Variants in GNAS-AS1 observed in about 807,000 individuals in gnomAD.
GNAS-AS1 encodes GNAS antisense RNA 1 (non-protein coding).
In GNAS-AS1 at chr20:58,841,250, T is replaced by A. The variant is rs2085710281; in HGVS notation, n.819+687A>T. 1 of 960,074 alleles carries A rather than the reference T, an allele frequency of 1.0e-6. No individual in the cohort carries two copies. Among genetic ancestry groups the A allele is most frequent in the Admixed American group, 4.8e-5 (1 of 20,838 alleles). 59.5% of individuals were successfully genotyped at this position (960,074 alleles called of 1,614,324 possible). ...AGTCACTTGTTTTGCGCGCTTTTCT[T>A]CCTCCTAGAAAGACTAGTCTCAAAT... On this transcript the variant is annotated intron_variant and non_coding_transcript_variant, in intron 4 of 4. Coordinates refer to ENST00000424094, the Ensembl canonical transcript of GNAS-AS1. This position sits in a 1 kb window ranked among gnomAD's most constrained non-coding sequence, Gnocchi z 5.0.
intron 2 of GNAS-AS1, among the ~76,000 whole-genome samples, chr20:58,845,727 G>A (rs572701138): frequency 6.6e-6 from 1 of 152,246 alleles, no homozygotes; most frequent in African/African-American, 2.4e-5. Context: ...TAGCTATGCT[G>A]GTCCAAGCAC....
At chr20:58,828,051 G>C (rs1038634351) in intron 4 of GNAS-AS1, among the ~76,000 whole-genome samples, 1 of 152,128 alleles carries the variant, frequency 6.6e-6, no homozygotes, top group African/African-American at 2.4e-5. Flanking sequence ...TCCCTTTCTT[G>C]TACCTTAATG....
chr20:58,835,726 G>A (rs950477718), intron 4 of GNAS-AS1, among the ~76,000 whole-genome samples: 3 of 152,274 alleles, frequency 2.0e-5, no homozygotes, highest in Non-Finnish European at 2.9e-5. Context: ...CAATTACTTC[G>A]ATCTCCCCAC....
At position 58,841,579 on chromosome 20, in the gene GNAS-AS1, G is replaced by C. The variant is rs1475310519; in HGVS notation, n.819+358C>G. On this transcript the variant is annotated intron_variant and non_coding_transcript_variant, in intron 4 of 4. Transcript: ENST00000424094. The surrounding 1 kb of genome is among the most constrained non-coding windows in gnomAD (Gnocchi z 5.0). ...CACAGCCCGCCTCCCGTCGCTCGCGGGACAGAGACCGCCTCAAAGAGCGTG... is the reference window on the plus strand; with the variant it reads ...CACAGCCCGCCTCCCGTCGCTCGCGCGACAGAGACCGCCTCAAAGAGCGTG... 9.9e-7 allele frequency: 1 copy of C among 1,009,032 alleles called. No homozygotes were observed. Among genetic ancestry groups the C allele is most frequent in the East Asian group, 9.5e-5 (1 of 10,488 alleles). 62.5% of individuals were successfully genotyped at this position (1,009,032 alleles called of 1,614,324 possible).
intron 4 of GNAS-AS1, among the ~76,000 whole-genome samples, chr20:58,822,635 A>G (rs1009514891): frequency 3.3e-5 from 5 of 152,212 alleles, no homozygotes; most frequent in Non-Finnish European, 2.9e-5. Context: ...CCCACAATGG[A>G]GGCTGGTCAC....
chr20:58,839,988 C>A (rs1389571493), intron 4 of GNAS-AS1: 13 of 1,129,480 alleles, frequency 1.2e-5, no homozygotes, highest in Non-Finnish European at 9.1e-6. Flanking sequence ...GCTGGGACCT[C>A]CGGGCCAGCT....
Position 58,838,117 on chromosome 20 carries a change from C to T in GNAS-AS1, n.819+3820G>A, listed in dbSNP as rs1436221227. ...AAGTGAAACAACCTTCTTGATACTCCCAGGGATTTTAGGATGATGGCTTTG... is the reference window on the plus strand; with the variant it reads ...AAGTGAAACAACCTTCTTGATACTCTCAGGGATTTTAGGATGATGGCTTTG... On this transcript the variant is annotated intron_variant and non_coding_transcript_variant, in intron 4 of 4. Coordinates refer to ENST00000424094, the Ensembl canonical transcript of GNAS-AS1. Among the ~76,000 whole-genome samples, 4 of 152,172 alleles carry T rather than the reference C, an allele frequency of 2.6e-5. No homozygotes were observed. In the East Asian group the frequency reaches 7.7e-4, roughly 29 times the overall value.
rs1224657149 is a variant in GNAS-AS1 at position 58,840,952 on chromosome 20, G to A, written n.819+985C>T. On this transcript the variant is annotated intron_variant and non_coding_transcript_variant, in intron 4 of 4. Coordinates refer to ENST00000424094, the Ensembl canonical transcript of GNAS-AS1. This position sits in a 1 kb window ranked among gnomAD's most constrained non-coding sequence, Gnocchi z 6.0. ...GTGGGAGCAGCGCAGGTGGAAAGGA[G>A]GTGAGAAGGAAAGGCAGGTCAGGGG... The A allele has an allele frequency of 1.5e-5, 24 of 1,550,458 alleles. No individual in the cohort carries two copies. The highest frequency in any genetic ancestry group is 2.1e-5 in the Non-Finnish European group (24 of 1,134,182).
rs758514619 is a variant in GNAS-AS1 at position 58,840,748 on chromosome 20, G to A, written n.819+1189C>T. 1.9e-6 allele frequency: 3 copies of A among 1,605,990 alleles called. No homozygotes were observed. The highest frequency in any genetic ancestry group is 1.7e-6 in the Non-Finnish European group (2 of 1,179,542). ...AGTCGAAGGAGCCCAAGGAGGAGAA[G>A]CAGCGGCGTCGCTGCAAGCCAAAGA... On this transcript the variant is annotated intron_variant and non_coding_transcript_variant, in intron 4 of 4. Transcript: ENST00000424094. The surrounding 1 kb of genome is among the most constrained non-coding windows in gnomAD (Gnocchi z 6.0).
At chr20:58,826,770 G>T (rs140271017) in intron 4 of GNAS-AS1, 3 of 150,916 alleles carry the variant, frequency 2.0e-5, no homozygotes, top group Non-Finnish European at 4.4e-5. Flanking sequence ...AGGCTGGAGT[G>T]TAGTGGCATG....
At chr20:58,822,960 C>A (rs2145450289) in intron 4 of GNAS-AS1, among the ~76,000 whole-genome samples, 1 of 152,282 alleles carries the variant, frequency 6.6e-6, no homozygotes. Flanking sequence ...TCTGTCCGCC[C>A]CTGGCCCCAG....
Position 58,840,497 on chromosome 20 carries a change from A to C in GNAS-AS1, n.819+1440T>G. 1 of 1,612,894 alleles carries C rather than the reference A, an allele frequency of 6.2e-7. No individual in the cohort carries two copies. The highest frequency in any genetic ancestry group is 8.5e-7 in the Non-Finnish European group (1 of 1,179,694). On this transcript the variant is annotated intron_variant and non_coding_transcript_variant, in intron 4 of 4. Coordinates refer to ENST00000424094, the Ensembl canonical transcript of GNAS-AS1. The surrounding 1 kb of genome is among the most constrained non-coding windows in gnomAD (Gnocchi z 6.0). ...GACCGACTTCGAGACCGAGCCTGAGACCGCCCCCACCACTGAGCCCGAGAC... is the reference window on the plus strand; with the variant it reads ...GACCGACTTCGAGACCGAGCCTGAGCCCGCCCCCACCACTGAGCCCGAGAC...
chr20:58,835,560 G>A lies in GNAS-AS1; in HGVS notation n.819+6377C>T, dbSNP rs545490003. 1.1e-4 allele frequency among the ~76,000 whole-genome samples: 17 copies of A among 152,284 alleles called. No individual in the cohort carries two copies. The South Asian group carries it at 3.5e-3, about 32-fold the overall frequency. On this transcript the variant is annotated intron_variant and non_coding_transcript_variant, in intron 4 of 4. Coordinates refer to ENST00000424094, the Ensembl canonical transcript of GNAS-AS1. ...CATCTCTTTCTGAAAATCACAAGAT[G>A]AACTGTACCTCTGATTCTAACCAGT...
chr20:58,847,722 T>A (rs537751923), intron 2 of GNAS-AS1, among the ~76,000 whole-genome samples: 3 of 152,328 alleles, frequency 2.0e-5, no homozygotes, highest in South Asian at 4.1e-4. Context: ...ATACTGTTTT[T>A]CGTGGTTTCT....
chr20:58,840,224 G>T lies in GNAS-AS1; in HGVS notation n.819+1713C>A. 6.2e-7 allele frequency: 1 copy of T among 1,610,818 alleles called. No homozygotes were observed. Among genetic ancestry groups the T allele is most frequent in the East Asian group, 2.2e-5 (1 of 44,848 alleles). Reference sequence around the variant, plus strand: ...GCTCCTCTGGCTCTCCTGCTCCATCGCGCTCCTCCGCGCCCTTGCCACCTC... The same window carrying T: ...GCTCCTCTGGCTCTCCTGCTCCATCTCGCTCCTCCGCGCCCTTGCCACCTC... On this transcript the variant is annotated intron_variant and non_coding_transcript_variant, in intron 4 of 4. Transcript: ENST00000424094. This position sits in a 1 kb window ranked among gnomAD's most constrained non-coding sequence, Gnocchi z 6.0.
rs369158171 is a variant in GNAS-AS1 at position 58,840,651 on chromosome 20, C to T, written n.819+1286G>A. ...TCCCCAAGTCGCGCGCCGCCCAGCA[C>T]TCAGGAGCCCCAGAGCCCCAGGGAA... is the stretch of plus-strand genomic sequence containing the variant. On this transcript the variant is annotated intron_variant and non_coding_transcript_variant, in intron 4 of 4. Coordinates refer to ENST00000424094, the Ensembl canonical transcript of GNAS-AS1. The surrounding 1 kb of genome is among the most constrained non-coding windows in gnomAD (Gnocchi z 6.0). The T allele has an allele frequency of 2.0e-5, 32 of 1,606,162 alleles. No homozygotes were observed. Among genetic ancestry groups the T allele is most frequent in the Non-Finnish European group, 2.7e-5 (32 of 1,179,188 alleles).
At chr20:58,825,087 G>A (rs1305837926) in intron 4 of GNAS-AS1, among the ~76,000 whole-genome samples, 1 of 152,234 alleles carries the variant, frequency 6.6e-6, no homozygotes, top group African/African-American at 2.4e-5. Flanking sequence ...CAAATGTCAT[G>A]GTAAAGGCAG....
intron 4 of GNAS-AS1, among the ~76,000 whole-genome samples, chr20:58,832,461 T>G (rs1224991751): frequency 2.6e-5 from 4 of 152,234 alleles, no homozygotes; most frequent in African/African-American, 9.6e-5. Flanking sequence ...AAAATGGTTC[T>G]TAAATTCATA....
At chr20:58,832,583 T>C (rs1382835480) in intron 4 of GNAS-AS1, among the ~76,000 whole-genome samples, 1 of 152,166 alleles carries the variant, frequency 6.6e-6, no homozygotes, top group Non-Finnish European at 1.5e-5. Flanking sequence ...ATTAAGGCTG[T>C]AGGGCAGTCA....
Sources: gnomAD v4.1 joint callset for allele counts (sites outside exome capture counted in the v4.1 genomes callset) on GRCh38, gnomAD v4.1.1 for gene constraint, Gnocchi (gnomAD v3.1) non-coding constraint, MANE v1.5 for transcripts, NCBI Gene and HGNC (gene_info 2026-07-23, HGNC 2026-07-21) for gene names.